EIF2D: variants seen among roughly 807,000 people sequenced by gnomAD.
EIF2D encodes the protein eukaryotic translation initiation factor 2D.
In EIF2D, 56 loss-of-function variants were observed where a neutral mutation model predicts 77.4. That is an observed-to-expected ratio of 0.72 (90% CI 0.58 to 0.90). The LOEUF (loss-of-function observed/expected upper bound fraction) is 0.90, where lower values mean the gene tolerates loss of function less well. EIF2D is among the 40% of genes least tolerant of loss of function. The probability of loss-of-function intolerance (pLI) is 0.00; values close to 1 mark genes in which losing one functional copy is unlikely to be tolerated. For missense variants in EIF2D, 574 were observed against 706.5 expected (o/e 0.81, Z 2.13); for synonymous variants, 230 against 271.0 (o/e 0.85, Z 1.49).
intron 11 of EIF2D, 101 bp downstream of exon 11, chr1:206,598,902 T>A: frequency 8.5e-7 from 1 of 1,178,438 alleles, no homozygotes; most frequent in South Asian, 1.4e-5. Flanking sequence ...TAAGATGCTA[T>A]GGTTTTCTAT....
At chr1:206,598,665 C>A (rs977467921) in intron 11 of EIF2D, among the ~76,000 whole-genome samples, 24 of 152,128 alleles carry the variant, frequency 1.6e-4, no homozygotes, top group African/African-American at 5.6e-4. Flanking sequence ...GTACAAATAT[C>A]TATCAATAAA....
chr1:206,572,908 C>T (rs559926863), intron 4 of EIF2D, among the ~76,000 whole-genome samples: 15 of 152,110 alleles, frequency 9.9e-5, no homozygotes, highest in East Asian at 9.7e-4. Context: ...AAGGGCCTAT[C>T]GGGAATCAAG....
chr1:206,598,895 G>A, intron 11 of EIF2D, 108 bp downstream of exon 11: 1 of 1,100,438 alleles, frequency 9.1e-7, no homozygotes, highest in Non-Finnish European at 1.3e-6. Context: ...TTACCTCTAA[G>A]ATGCTATGGT....
In EIF2D at chr1:206,612,221, T is replaced by C. The variant is rs532861101; in HGVS notation, c.56+66A>G. 1.8e-4 allele frequency: 296 copies of C among 1,607,254 alleles called. 1 individual carries two copies. In the South Asian group the frequency reaches 3.1e-3, roughly 17 times the overall value. On this transcript the variant is annotated intron_variant, in intron 1 of 14. Coordinates refer to ENST00000271764, the MANE Select transcript of EIF2D (RefSeq NM_006893.3). ...TGTCGGCCAAGAATAGCGAGGGCTA[T>C]GGGCCAGCGGGGCCCAAGAGGTGTC...
intron 6 of EIF2D, 100 bp downstream of exon 6, chr1:206,602,851 C>T (rs551731729): frequency 2.1e-5 from 31 of 1,501,650 alleles, no homozygotes; most frequent in African/African-American, 1.3e-4. Flanking sequence ...CCTCCTCCCC[C>T]GGAAGCTTAA....
intron 12 of EIF2D, among the ~76,000 whole-genome samples, 162 bp downstream of exon 12, chr1:206,596,938 C>T (rs994770786): frequency 2.1e-4 from 32 of 151,900 alleles, no homozygotes; most frequent in Admixed American, 1.3e-3. Context: ...CCAAAGACCC[C>T]CCAAATCAGA....
intron 2 of EIF2D, chr1:206,583,282 C>T: frequency 6.2e-7 from 1 of 1,611,006 alleles, no homozygotes; most frequent in South Asian, 1.1e-5. Context: ...GTCTGTAAAC[C>T]TGTGGAGGAG....
At chr1:206,602,579 C>T in intron 6 of EIF2D, 126 bp from the exon 7 acceptor site, 2 of 822,498 alleles carry the variant, frequency 2.4e-6, no homozygotes, top group East Asian at 4.9e-5. Flanking sequence ...TCCCAGGTAC[C>T]AAAGCTCCCA....
downstream of EIF2D, chr1:206,589,023 T>C (rs188566971): frequency 5.2e-5 from 8 of 152,776 alleles, no homozygotes; most frequent in African/African-American, 1.9e-4. Context: ...GTTTATGAAA[T>C]GAGAAAATTA....
At chr1:206,571,853 G>A (rs1391231232) in intron 5 of EIF2D, among the ~76,000 whole-genome samples, 1 of 152,168 alleles carries the variant, frequency 6.6e-6, no homozygotes, top group African/African-American at 2.4e-5. Context: ...AACACCCAAA[G>A]GAAGACCTTC....
chr1:206,602,322 A>G lies in EIF2D; in HGVS notation c.902+14T>C. 6.2e-7 allele frequency: 1 copy of G among 1,610,426 alleles called. No individual in the cohort carries two copies. The highest frequency in any genetic ancestry group is 8.5e-7 in the Non-Finnish European group (1 of 1,176,610). The stretch of plus-strand genomic sequence containing the variant: ...CCGGCCCCGGCCTCCAGCCCACATC[A>G]GTGCTTTCCATACCAGCAGGAGAAC... On this transcript the variant is annotated intron_variant, in intron 7 of 14. Transcript: ENST00000271764.
intron 1 of EIF2D, among the ~76,000 whole-genome samples, chr1:206,612,020 A>C (rs1447906024): frequency 6.6e-6 from 1 of 152,180 alleles, no homozygotes; most frequent in Non-Finnish European, 1.5e-5. Context: ...ATTCTCCACA[A>C]CACCTTAAAT....
downstream of EIF2D, among the ~76,000 whole-genome samples, chr1:206,569,371 A>C (rs116586747): frequency 0.011 from 1,668 of 152,318 alleles, 32 homozygotes; most frequent in African/African-American, 0.038. Context: ...TGGCTAGCCA[A>C]GGTGGTCTTG....
At chr1:206,609,915 CA>C (rs1469932762) in intron 2 of EIF2D, among the ~76,000 whole-genome samples, 1 of 152,180 alleles carries the variant, frequency 6.6e-6, no homozygotes, top group Non-Finnish European at 1.5e-5. Context: ...GAAGTGAGAT[CA>C]GGGGCAGGAG....
At chr1:206,581,691 T>C (rs1437779345) in intron 2 of EIF2D, among the ~76,000 whole-genome samples, 1 of 147,854 alleles carries the variant, frequency 6.8e-6, no homozygotes, top group African/African-American at 2.6e-5. Flanking sequence ...GAAAGGAGGA[T>C]GTCAGCTGTG....
rs150091734 is a variant in EIF2D at position 206,579,804 on chromosome 1, A to G, written c.*254+888T>C. On this transcript the variant is annotated intron_variant and NMD_transcript_variant, in intron 4 of 5. Coordinates refer to the EIF2D transcript ENST00000472709. This position sits in a 1 kb window ranked among gnomAD's most constrained non-coding sequence, Gnocchi z 4.2. ...AGTTTAAGAACCACTGGTCTGGATT[A>G]TACGCCATCTCTTGGGTGGAAAAAG... Among the ~76,000 whole-genome samples the G allele has an allele frequency of 3.3e-5, 5 of 152,342 alleles. No homozygotes were observed. Among genetic ancestry groups the G allele is most frequent in the African/African-American group, 1.2e-4 (5 of 41,574 alleles).
chr1:206,578,389 C>T (rs1553405600), intron 4 of EIF2D, among the ~76,000 whole-genome samples: 4 of 152,066 alleles, frequency 2.6e-5, no homozygotes, highest in Non-Finnish European at 2.9e-5. Context: ...TTTTGTGACA[C>T]ATTTGCTGTG....
intron 4 of EIF2D, among the ~76,000 whole-genome samples, chr1:206,607,191 G>A (rs192991590): frequency 3.7e-4 from 56 of 151,708 alleles, no homozygotes; most frequent in African/African-American, 1.3e-3. Flanking sequence ...TTAAATGTCC[G>A]CATAAAAATA....
chr1:206,599,509 A>G lies in EIF2D; in HGVS notation c.1156T>C (p.Cys386Arg). 3.7e-6 allele frequency: 6 copies of G among 1,613,664 alleles called. No individual in the cohort carries two copies. Among genetic ancestry groups the G allele is most frequent in the Non-Finnish European group, 5.1e-6 (6 of 1,179,778 alleles). ...AGCAGGGTCATGCTGGCTGGGACAC[A>G]GTAGAGGGGTTTTATATCTGGAGGG... ...YHPPDIKPLYCVPASMTLLFQ... is the reference protein window; with the variant it reads ...YHPPDIKPLYRVPASMTLLFQ... The change falls in exon 10 of 15, where the codon TGT becomes CGT. Residue 386 changes from cysteine (C) to arginine (R), a missense_variant. By Grantham distance (180) the Cys-to-Arg change is radical. Transcript: ENST00000271764. The surrounding 1 kb of genome is among the most constrained non-coding windows in gnomAD (Gnocchi z 4.1).
Sources: allele counts gnomAD v4.1 joint callset (sites outside exome capture counted in the v4.1 genomes callset), GRCh38; gene constraint gnomAD v4.1.1; non-coding constraint Gnocchi (gnomAD v3.1); transcripts MANE v1.5; gene names NCBI Gene and HGNC (gene_info 2026-07-23, HGNC 2026-07-21).